The following LCMT2 variants were observed in gnomAD, a reference collection of about 807,000 sequenced individuals.
LCMT2 encodes the protein tRNA wybutosine-synthesizing protein 4.
In LCMT2, 34 loss-of-function variants were observed where a neutral mutation model predicts 42.0. That is an observed-to-expected ratio of 0.81 (90% CI 0.62 to 1.08). The LOEUF is 1.08. Ranked by LOEUF, LCMT2 falls within the 50% of genes least tolerant of loss-of-function variation. The probability of loss-of-function intolerance (pLI) is 0.00; values close to 1 mark genes in which losing one functional copy is unlikely to be tolerated. For synonymous variants in LCMT2, 445 were observed against 369.5 expected (o/e 1.20, Z -2.34); for missense variants, 1,091 against 889.4 (o/e 1.23, Z -2.88).
chr15:43,328,711 C>T lies in LCMT2; in HGVS notation c.1779G>A (p.Val593=). 1 of 1,614,142 alleles carries T rather than the reference C, an allele frequency of 6.2e-7. No individual in the cohort carries two copies. The highest frequency in any genetic ancestry group is 8.5e-7 in the Non-Finnish European group (1 of 1,180,034). ...ITPRYSHTAH[V]LNGKLLLVGG... ...CAACCAGTAACAGCTTTCCATTGAG[C>T]ACATGAGCTGTGTGGGAGTACCTTG... is the stretch of plus-strand genomic sequence containing the variant. Residue 593 remains valine (V), a synonymous_variant, in exon 1 of 1, where the codon GTG becomes GTA. Transcript: ENST00000305641.
chr15:43,324,321 T>C lies in LCMT2; in HGVS notation c.*4108A>G, dbSNP rs1237946350. The C allele has an allele frequency of 6.6e-6, 1 of 151,970 alleles. No individual in the cohort carries two copies. Among genetic ancestry groups the C allele is most frequent in the Admixed American group, 6.6e-5 (1 of 15,252 alleles). The allele number at this position is 151,970 out of a possible 1,614,324, so 9.4% of individuals were successfully genotyped here. A position where few individuals can be genotyped will look rare whatever the true frequency, so the allele number is the denominator to read the frequency against. On this transcript the variant is annotated 3_prime_UTR_variant, in exon 1 of 1. Transcript: ENST00000305641. ...GACATTATTGGACTGTCCCTATGGTTAAAAACCCACCTAGGCCAGGCATGG... is the reference window on the plus strand; with the variant it reads ...GACATTATTGGACTGTCCCTATGGTCAAAAACCCACCTAGGCCAGGCATGG...
rs2043174695 is a variant in LCMT2, at chr15:43,330,392, A to C, written c.98T>G (p.Val33Gly). ...CAGCAACGCGGCAAAGGGGTCCTGC[A>C]CGTACCCGCGCGCGGCCAGGGAACG... Reference protein sequence around the residue: ...SKRSLAARGYVQDPFAALLVP... With the variant: ...SKRSLAARGYGQDPFAALLVP... The change falls in exon 1 of 1, where the codon GTG becomes GGG. Residue 33 changes from valine (V) to glycine (G), a missense_variant. By Grantham distance (109) the Val-to-Gly change is moderately radical (BLOSUM62 -3). Transcript: ENST00000305641. 6.3e-7 allele frequency: 1 copy of C among 1,585,080 alleles called. No individual in the cohort carries two copies. The highest frequency in any genetic ancestry group is 8.5e-7 in the Non-Finnish European group (1 of 1,172,196).
In LCMT2 at chr15:43,328,735, T is replaced by TG; in HGVS notation, c.1754dup (p.Arg586LysfsTer41). The TG allele has an allele frequency of 6.2e-7, 1 of 1,613,930 alleles. No individual in the cohort carries two copies. Reference sequence around the variant, plus strand: ...GCACATGAGCTGTGTGGGAGTACCTTGGGGTAATGGGAGGCTGGATGTCTA... The same window carrying TG: ...GCACATGAGCTGTGTGGGAGTACCTTGGGGGTAATGGGAGGCTGGATGTCTA... On this transcript the variant is annotated frameshift_variant, in exon 1 of 1. Transcript: ENST00000305641. LOFTEE classifies it high-confidence loss of function.
At position 43,328,431 on chromosome 15, in the gene LCMT2, A is replaced by G. The variant is rs1253581860; in HGVS notation, c.2059T>C (p.Ter687GlnextTer4). 6.2e-7 allele frequency: 1 copy of G among 1,612,250 alleles called. No homozygotes were observed. The highest frequency in any genetic ancestry group is 8.5e-7 in the Non-Finnish European group (1 of 1,179,106). ...LDLSSLSAGQ[*>Q] ...GGTCCTGAATATTAGTCCAGTCCTT[A>G]CTGCCCAGCACTTAAGGAAGAAAGG... The change falls in exon 1 of 1, where the codon TAA (stop) becomes CAA (glutamine). Residue 687 changes from the stop codon to glutamine (Q), a stop_lost. Coordinates refer to ENST00000305641, the MANE Select transcript of LCMT2 (RefSeq NM_014793.5).
chr15:43,329,579 G>A lies in LCMT2; in HGVS notation c.911C>T (p.Ala304Val). ...AGAAGCTGCCAGAATGAAATAATGG[G>A]CGCACTTCAGATGCCACTCCTCAAA... ...DEFEEWHLKCAHYFILAASRG... is the reference protein window; with the variant it reads ...DEFEEWHLKCVHYFILAASRG... Residue 304 changes from alanine to valine, a missense_variant, in exon 1 of 1, where the codon GCC becomes GTC. Coordinates refer to ENST00000305641, the MANE Select transcript of LCMT2 (RefSeq NM_014793.5). The A allele has an allele frequency of 5.0e-6, 8 of 1,614,114 alleles. No homozygotes were observed. The highest frequency in any genetic ancestry group is 6.8e-6 in the Non-Finnish European group (8 of 1,179,992).
rs1373582482 is a variant in LCMT2, at chr15:43,329,397, A to T, written c.1093T>A (p.Leu365Met). The change falls in exon 1 of 1, where the codon TTG becomes ATG. Residue 365 changes from leucine (L) to methionine (M), a missense_variant. Coordinates refer to ENST00000305641, the MANE Select transcript of LCMT2 (RefSeq NM_014793.5). ...GCACTGAGAATAACGTCTGGGCTCAAGAAGACAGAGGCGTGGCCATATCTC... is the reference window on the plus strand; with the variant it reads ...GCACTGAGAATAACGTCTGGGCTCATGAAGACAGAGGCGTGGCCATATCTC... ...LKRYGHASVF[L>M]SPDVILSAGG... 6.2e-7 allele frequency: 1 copy of T among 1,614,030 alleles called. No homozygotes were observed. Among genetic ancestry groups the T allele is most frequent in the Non-Finnish European group, 8.5e-7 (1 of 1,180,034 alleles).
Position 43,329,740 on chromosome 15 carries a change from G to A in LCMT2, c.750C>T (p.Asp250=). Residue 250 remains aspartate, a synonymous_variant, in exon 1 of 1, where the codon GAC becomes GAT. Transcript: ENST00000305641. ...GGAAGCGGCGCCGCTGCGCCTCCAC[G>A]TCAGGAAAACGCTCCAGGCCATGCA... ...SPLHGLERFP[D]VEAQRRRFLQ... The A allele has an allele frequency of 6.2e-7, 1 of 1,613,518 alleles. No homozygotes were observed. Among genetic ancestry groups the A allele is most frequent in the East Asian group, 2.2e-5 (1 of 44,872 alleles).
chr15:43,330,325 G>T lies in LCMT2; in HGVS notation c.165C>A (p.Gly55=). The change falls in exon 1 of 1, where the codon GGC becomes GGA. Residue 55 remains glycine (G), a synonymous_variant. Coordinates refer to ENST00000305641, the MANE Select transcript of LCMT2 (RefSeq NM_014793.5). ...AARRAPLIHR[G]YYVRARAVRH... is the part of the protein sequence containing the mutation. The stretch of plus-strand genomic sequence containing the variant: ...TCACGGCGCGTGCGCGGACGTAGTA[G>T]CCTCGGTGAATGAGCGGTGCGCGGC... 6 of 1,603,418 alleles carry T rather than the reference G, an allele frequency of 3.7e-6. No individual in the cohort carries two copies. The highest frequency in any genetic ancestry group is 5.1e-6 in the Non-Finnish European group (6 of 1,178,566).
chr15:43,327,961 T>C lies in LCMT2; in HGVS notation c.*468A>G. 1 of 159,830 alleles carries C rather than the reference T, an allele frequency of 6.3e-6. No homozygotes were observed. Among genetic ancestry groups the C allele is most frequent in the Admixed American group, 5.8e-5 (1 of 17,114 alleles). The allele number at this position is 159,830 out of a possible 1,614,324, so 9.9% of individuals were successfully genotyped here. On this transcript the variant is annotated 3_prime_UTR_variant, in exon 1 of 1. Transcript: ENST00000305641. ...TTAATCAAACTGTGACTGTGTTCAT[T>C]TCAGGTTTCCTACATGAAGAATTGT...
chr15:43,326,034 A>ATTTTTTTTTTTTTTTTTTT lies in LCMT2; in HGVS notation c.*2376_*2394dup, dbSNP rs71111812. On this transcript the variant is annotated 3_prime_UTR_variant, in exon 1 of 1. Transcript: ENST00000305641. The stretch of plus-strand genomic sequence containing the variant: ...CTTTGTATATATAGATAGATGGATA[A>ATTTTTTTTTTTTTTTTTTT]TTTTTTTTTTTTTTTTTTTTTTTTT... 3 of 70,526 alleles carry ATTTTTTTTTTTTTTTTTTT rather than the reference A, an allele frequency of 4.3e-5. 1 individual carries two copies. The highest frequency in any genetic ancestry group is 3.1e-5 in the Non-Finnish European group (1 of 32,448). The allele number at this position is 70,526 out of a possible 1,614,324, so 4.4% of individuals were successfully genotyped here.
In LCMT2 at chr15:43,330,528, G is replaced by C; in HGVS notation, c.-39C>G. The C allele has an allele frequency of 1.3e-6, 2 of 1,508,400 alleles. No individual in the cohort carries two copies. The highest frequency in any genetic ancestry group is 1.8e-6 in the Non-Finnish European group (2 of 1,132,540). 93.4% of individuals were successfully genotyped at this position (1,508,400 alleles called of 1,614,324 possible). A position where few individuals can be genotyped will look rare whatever the true frequency, so the allele number is the denominator to read the frequency against. ...TCAGGAATGGCAGTCTGTCACGGTT[G>C]TGAGCCGCCCCTTGGTTAGCACACA... On this transcript the variant is annotated 5_prime_UTR_variant, in exon 1 of 1. Coordinates refer to ENST00000305641, the MANE Select transcript of LCMT2 (RefSeq NM_014793.5).
rs1445425920 is a variant in LCMT2 at position 43,329,814 on chromosome 15, C to T, written c.676G>A (p.Ala226Thr). Residue 226 changes from alanine to threonine, a missense_variant, in exon 1 of 1, where the codon GCC becomes ACC. Ala to Thr is a moderately conservative substitution (Grantham distance 58). Coordinates refer to ENST00000305641, the MANE Select transcript of LCMT2 (RefSeq NM_014793.5). ...VVYEQMRPQD[A>T]FGQFMLQHFR... Reference sequence around the variant, plus strand: ...TGTTGCAGCATGAACTGGCCAAAGGCGTCTTGAGGCCTCATCTGCTCATAG... The same window carrying T: ...TGTTGCAGCATGAACTGGCCAAAGGTGTCTTGAGGCCTCATCTGCTCATAG... 6.2e-7 allele frequency: 1 copy of T among 1,613,820 alleles called. No homozygotes were observed. The highest frequency in any genetic ancestry group is 8.5e-7 in the Non-Finnish European group (1 of 1,180,048).
In LCMT2 at chr15:43,328,977, C is replaced by G. The variant is rs1240462114; in HGVS notation, c.1513G>C (p.Glu505Gln). Reference protein sequence around the residue: ...LFVYGGRSVVEPVLSDWHFLH... With the variant: ...LFVYGGRSVVQPVLSDWHFLH... ...AAATGCCAGTCACTTAGTACAGGTT[C>G]CACCACGCTTCGACCCCCATACACA... The change falls in exon 1 of 1, where the codon GAA becomes CAA. Residue 505 changes from glutamate (E) to glutamine (Q), a missense_variant. Coordinates refer to ENST00000305641, the MANE Select transcript of LCMT2 (RefSeq NM_014793.5). The G allele has an allele frequency of 6.2e-7, 1 of 1,613,280 alleles. No homozygotes were observed.
chr15:43,329,697 C>T lies in LCMT2; in HGVS notation c.793G>A (p.Ala265Thr), dbSNP rs776323709. ...RRRFLQAGWTACGAVDMNEFY... is the reference protein window; with the variant it reads ...RRRFLQAGWTTCGAVDMNEFY... ...TCATTCATGTCCACGGCACCGCAGG[C>T]GGTCCAGCCAGCTTGAAGGAAGCGG... is the stretch of plus-strand genomic sequence containing the variant. Residue 265 changes from alanine (A) to threonine (T), a missense_variant, in exon 1 of 1, where the codon GCC becomes ACC. Coordinates refer to ENST00000305641, the MANE Select transcript of LCMT2 (RefSeq NM_014793.5). 3 of 1,613,422 alleles carry T rather than the reference C, an allele frequency of 1.9e-6. No homozygotes were observed. Among genetic ancestry groups the T allele is most frequent in the East Asian group, 2.2e-5 (1 of 44,884 alleles).
Position 43,330,469 on chromosome 15 carries a change from C to T in LCMT2, c.21G>A (p.Glu7=). The part of the protein sequence containing the change: MGPRSR[E]RRAGAVQNTN... Reference sequence around the variant, plus strand: ...TGTTCTGTACCGCGCCTGCCCGACGCTCACGGCTCCGGGGGCCCATGGCCA... The same window carrying T: ...TGTTCTGTACCGCGCCTGCCCGACGTTCACGGCTCCGGGGGCCCATGGCCA... The change falls in exon 1 of 1, where the codon GAG becomes GAA. Residue 7 remains glutamate, a synonymous_variant. Transcript: ENST00000305641. The T allele has an allele frequency of 6.6e-7, 1 of 1,523,914 alleles. No individual in the cohort carries two copies. Among genetic ancestry groups the T allele is most frequent in the Non-Finnish European group, 8.8e-7 (1 of 1,140,956 alleles). 94.4% of individuals were successfully genotyped at this position (1,523,914 alleles called of 1,614,324 possible). A position where few individuals can be genotyped will look rare whatever the true frequency, so the allele number is the denominator to read the frequency against.
rs1166030658 is a variant in LCMT2 at position 43,324,876 on chromosome 15, A to G, written c.*3553T>C. ...GGTTGGGTTTGTGATCACAAAATACATATGGAATAAGCTAGGACTTCAAGG... is the reference window on the plus strand; with the variant it reads ...GGTTGGGTTTGTGATCACAAAATACGTATGGAATAAGCTAGGACTTCAAGG... On this transcript the variant is annotated 3_prime_UTR_variant, in exon 1 of 1. Transcript: ENST00000305641. 3 of 152,206 alleles carry G rather than the reference A, an allele frequency of 2.0e-5. No homozygotes were observed. The highest frequency in any genetic ancestry group is 2.9e-5 in the Non-Finnish European group (2 of 68,054). 9.4% of individuals were successfully genotyped at this position (152,206 alleles called of 1,614,324 possible).
At position 43,330,479 on chromosome 15, in the gene LCMT2, C is replaced by T. The variant is rs765377897; in HGVS notation, c.11G>A (p.Arg4Gln). ...CGCGCCTGCCCGACGCTCACGGCTC[C>T]GGGGGCCCATGGCCAGAAGAGACTC... MGP[R>Q]SRERRAGAVQ... Residue 4 changes from arginine (R) to glutamine (Q), a missense_variant, in exon 1 of 1, where the codon CGG becomes CAG. By Grantham distance (43) the Arg-to-Gln change is conservative. Coordinates refer to ENST00000305641, the MANE Select transcript of LCMT2 (RefSeq NM_014793.5). 1.9e-5 allele frequency: 29 copies of T among 1,520,796 alleles called. No individual in the cohort carries two copies. The Admixed American group carries it at 3.0e-4, about 16-fold the overall frequency. The allele number at this position is 1,520,796 out of a possible 1,614,324, so 94.2% of individuals were successfully genotyped here.
chr15:43,330,246 G>A lies in LCMT2; in HGVS notation c.244C>T (p.Arg82Cys), dbSNP rs1320742528. The A allele has an allele frequency of 3.7e-6, 6 of 1,605,822 alleles. No homozygotes were observed. Among genetic ancestry groups the A allele is most frequent in the Non-Finnish European group, 4.2e-6 (5 of 1,178,698 alleles). Residue 82 changes from arginine to cysteine, a missense_variant, in exon 1 of 1, where the codon CGC (arginine) becomes TGC (cysteine). Physicochemically the swap from Arg to Cys is radical, Grantham distance 180 (BLOSUM62 -3). Coordinates refer to ENST00000305641, the MANE Select transcript of LCMT2 (RefSeq NM_014793.5). ...EQIGAPQAAL[R>C]AQILSLGAGF... ...GCGCCGAGAGACAAGATCTGCGCGC[G>A]AAGCGCGGCCTGGGGCGCGCCAATC... is the stretch of plus-strand genomic sequence containing the variant.
Position 43,326,639 on chromosome 15 carries a change from ACTC to A in LCMT2, c.*1787_*1789del, listed in dbSNP as rs1487221294. The A allele has an allele frequency of 6.6e-6, 1 of 151,734 alleles. No individual in the cohort carries two copies. 9.4% of individuals were successfully genotyped at this position (151,734 alleles called of 1,614,324 possible). On this transcript the variant is annotated 3_prime_UTR_variant, in exon 1 of 1. Transcript: ENST00000305641. ...ACTTTGTTGCCTGGGCTGGTCTTAA[ACTC>A]CTGGCTTTAAGTGATCCTTCTGTCT...
Sources: gnomAD v4.1 joint callset for allele counts on GRCh38, gnomAD v4.1.1 for gene constraint, MANE v1.5 for transcripts, NCBI Gene and HGNC (gene_info 2026-07-23, HGNC 2026-07-21) for gene names.